CCDC201: variants seen among roughly 807,000 people sequenced by gnomAD.
CCDC201 encodes coiled-coil domain containing 201, also known as coiled-coil domain-containing protein 201.
At chr7:45,860,412 C>G (rs1786584229) in exon 3 of CCDC201, 1 of 152,308 alleles carries the variant, frequency 6.6e-6, no homozygotes, top group Non-Finnish European at 1.5e-5. Flanking sequence ...AGGGGCCTGA[C>G]AGGTTTCAAA....
At chr7:45,864,632 A>G (rs1361388118) in intron 2 of CCDC201, among the ~76,000 whole-genome samples, 1 of 152,186 alleles carries the variant, frequency 6.6e-6, no homozygotes, top group Non-Finnish European at 1.5e-5. Context: ...AGGGCATGGA[A>G]GAGAGGCTGG....
At chr7:45,871,979 T>C (rs1786747980) in intron 1 of CCDC201, among the ~76,000 whole-genome samples, 1 of 152,148 alleles carries the variant, frequency 6.6e-6, no homozygotes, top group Non-Finnish European at 1.5e-5. Flanking sequence ...GCACTCAAAT[T>C]TGTAAGTTAG....
chr7:45,881,013 C>T, the CCDC201 span, among the ~76,000 whole-genome samples: 4 of 152,166 alleles, frequency 2.6e-5, no homozygotes, highest in African/African-American at 9.7e-5. Flanking sequence ...TTTCACCTCA[C>T]CAAAGTGATG....
the CCDC201 span, among the ~76,000 whole-genome samples, chr7:45,880,144 C>T: frequency 6.6e-6 from 1 of 152,166 alleles, no homozygotes; most frequent in African/African-American, 2.4e-5. Context: ...ACATATAATA[C>T]TGCTGATATT....
intron 2 of CCDC201, among the ~76,000 whole-genome samples, chr7:45,865,447 C>A (rs1207342963): frequency 3.3e-5 from 5 of 152,174 alleles, no homozygotes; most frequent in African/African-American, 1.2e-4. Flanking sequence ...CCAGAGCCAC[C>A]CTAGCCAGGT....
chr7:45,884,736 G>A, the CCDC201 span, among the ~76,000 whole-genome samples: 17 of 152,202 alleles, frequency 1.1e-4, no homozygotes, highest in African/African-American at 3.6e-4. Context: ...TTATGGAGAC[G>A]TACCCAGACA....
upstream of CCDC201, among the ~76,000 whole-genome samples, chr7:45,873,274 C>A (rs1210356432): frequency 4.0e-5 from 4 of 99,104 alleles, no homozygotes. Context: ...TTGCGCCCCA[C>A]CCCCCCACCC....
At chr7:45,863,641 G>A (rs2116515777) in intron 2 of CCDC201, among the ~76,000 whole-genome samples, 1 of 152,260 alleles carries the variant, frequency 6.6e-6, no homozygotes, top group East Asian at 1.9e-4. Context: ...GGGAAGACGA[G>A]GATGGGTAAA....
At chr7:45,867,368 T>C (rs772330887) in intron 1 of CCDC201, among the ~76,000 whole-genome samples, 3 of 152,224 alleles carry the variant, frequency 2.0e-5, no homozygotes, top group Non-Finnish European at 2.9e-5. Context: ...TGGAACAATT[T>C]CCGGCATTTA....
chr7:45,868,514 A>G (rs1414142435), intron 1 of CCDC201, among the ~76,000 whole-genome samples: 1 of 152,118 alleles, frequency 6.6e-6, no homozygotes, highest in Non-Finnish European at 1.5e-5. Flanking sequence ...TAGAAGAGAT[A>G]GTGAAAATTG....
At chr7:45,863,415 G>T (rs955848952) in intron 2 of CCDC201, among the ~76,000 whole-genome samples, 37 of 152,268 alleles carry the variant, frequency 2.4e-4, no homozygotes, top group Middle Eastern at 6.8e-3. Context: ...AGGTGCAGAT[G>T]AAGTCTGTGT....
chr7:45,869,967 C>A (rs1268820994), intron 1 of CCDC201, among the ~76,000 whole-genome samples: 2 of 152,078 alleles, frequency 1.3e-5, no homozygotes, highest in Non-Finnish European at 2.9e-5. Flanking sequence ...CAAGCATGTG[C>A]CACCATGTCC....
At chr7:45,883,275 A>C in the CCDC201 span, among the ~76,000 whole-genome samples, 5 of 152,146 alleles carry the variant, frequency 3.3e-5, no homozygotes, top group African/African-American at 1.2e-4. Context: ...GGTGAGACAC[A>C]CACACACCCC....
At chr7:45,884,205 A>G in the CCDC201 span, among the ~76,000 whole-genome samples, 1 of 151,488 alleles carries the variant, frequency 6.6e-6, no homozygotes, top group Non-Finnish European at 1.5e-5. Context: ...GGCTTAAGTG[A>G]CCCTCTCACC....
At chr7:45,870,399 G>A (rs1027438) in intron 1 of CCDC201, among the ~76,000 whole-genome samples, 77,699 of 151,990 alleles carry the variant, frequency 0.51, 20,013 homozygotes, top group East Asian at 0.63. Context: ...CTGAGATTGG[G>A]TTAGAAAGCA....
chr7:45,881,461 A>T, the CCDC201 span, among the ~76,000 whole-genome samples: 3 of 152,104 alleles, frequency 2.0e-5, no homozygotes, highest in African/African-American at 2.4e-5. Context: ...CTAGTAACAG[A>T]GTGTGGGATG....
chr7:45,861,548 G>C (rs1460589856), exon 3 of CCDC201: 1 of 152,062 alleles, frequency 6.6e-6, no homozygotes, highest in Non-Finnish European at 1.5e-5. Context: ...ATTCTCTGTT[G>C]GAAACCTCCA....
At chr7:45,864,362 CA>C (rs2116516720) in intron 2 of CCDC201, among the ~76,000 whole-genome samples, 1 of 152,330 alleles carries the variant, frequency 6.6e-6, no homozygotes, top group African/African-American at 2.4e-5. Context: ...GTGAGAGCTT[CA>C]GGTCCCTTCT....
chr7:45,864,717 G>T (rs541695458), intron 2 of CCDC201, among the ~76,000 whole-genome samples: 1 of 152,124 alleles, frequency 6.6e-6, no homozygotes. Flanking sequence ...AGAACATGAG[G>T]GAGTGTGGCA....
Sources: allele counts gnomAD v4.1 joint callset (sites outside exome capture counted in the v4.1 genomes callset), GRCh38; gene constraint gnomAD v4.1.1; transcripts MANE v1.5; gene names NCBI Gene and HGNC (gene_info 2026-07-23, HGNC 2026-07-21).